Variants in RABGAP1 observed in about 807,000 individuals in gnomAD.
RABGAP1 encodes the protein RAB GTPase activating protein 1, also known as rab GTPase-activating protein 1.
In RABGAP1, 23 loss-of-function variants were observed where a neutral mutation model predicts 137.6. The observed-to-expected ratio is 0.17, with a 90% CI of 0.12 to 0.24. RABGAP1 has a LOEUF of 0.24. Among genes scored for constraint, RABGAP1 ranks in the 10% least tolerant of loss-of-function variants. The pLI, the probability that RABGAP1 is intolerant of heterozygous loss-of-function variation, is 1.00. For synonymous variants in RABGAP1, 451 were observed against 450.7 expected, an observed-to-expected ratio of 1.00 and a Z score of -0.01; for missense variants, 906 against 1,275.8, an observed-to-expected ratio of 0.71 and a Z score of 4.42.
chr9:123,010,570 G>T (rs747535015), intron 11 of RABGAP1, 42 bp downstream of exon 11: 2 of 1,549,474 alleles, frequency 1.3e-6, no homozygotes, highest in African/African-American at 2.7e-5. Flanking sequence ...GGGGGTGGAA[G>T]ACCATGCAAA....
In RABGAP1 at chr9:123,070,243, G is replaced by T; in HGVS notation, c.1909-107G>T. On this transcript the variant is annotated intron_variant, in intron 14 of 25. Transcript: ENST00000373647. The surrounding 1 kb of genome is among the most constrained non-coding windows in gnomAD (Gnocchi z 4.4). ...TACTGTCTGTCAAAATGCTGTCCCA[G>T]TGTGGGTAGCATCCTCCAGGGTTCT... 1.3e-6 allele frequency: 2 copies of T among 1,535,946 alleles called. No homozygotes were observed. Among genetic ancestry groups the T allele is most frequent in the Non-Finnish European group, 1.7e-6 (2 of 1,143,816 alleles).
chr9:122,940,092 A>T (rs1281522935), upstream of RABGAP1: 2 of 152,260 alleles, frequency 1.3e-5, no homozygotes, highest in African/African-American at 4.8e-5. Flanking sequence ...GCTTGAGCCC[A>T]GGAGTTCGAG....
rs1166002881 is a variant in RABGAP1, at chr9:123,086,490, G to T, written c.2425-3268G>T. Among the ~76,000 whole-genome samples, 6 of 152,228 alleles carry T rather than the reference G, an allele frequency of 3.9e-5. No individual in the cohort carries two copies. The East Asian group carries it at 1.2e-3, about 29-fold the overall frequency. ...ATGGCCTCAAAAGGAGGCTTAAAATGCCCCTGCTGCTGCTGGCACCTTCTG... is the reference window on the plus strand; with the variant it reads ...ATGGCCTCAAAAGGAGGCTTAAAATTCCCCTGCTGCTGCTGGCACCTTCTG... On this transcript the variant is annotated intron_variant, in intron 19 of 25. Coordinates refer to ENST00000373647, the MANE Select transcript of RABGAP1 (RefSeq NM_012197.4).
the RABGAP1 span, among the ~76,000 whole-genome samples, chr9:122,934,741 G>GCGCAGTCGTGGCTCAC: frequency 6.6e-6 from 1 of 152,144 alleles, no homozygotes. Flanking sequence ...GAGTGCAGTG[G>GCGCAGTCGTGGCTCAC]CGCAGTCTTG....
At chr9:122,953,288 A>G (rs909078945) in intron 1 of RABGAP1, among the ~76,000 whole-genome samples, 1 of 152,154 alleles carries the variant, frequency 6.6e-6, no homozygotes, top group Admixed American at 6.5e-5. Context: ...TAAATGTTTT[A>G]TGTATAGTCC....
At chr9:123,056,942 C>G (rs1340429087) in intron 13 of RABGAP1, among the ~76,000 whole-genome samples, 1 of 152,230 alleles carries the variant, frequency 6.6e-6, no homozygotes, top group Non-Finnish European at 1.5e-5. Flanking sequence ...CTTTTCTATT[C>G]CACAAAACCG....
chr9:122,988,381 T>C (rs1461611415), intron 4 of RABGAP1, among the ~76,000 whole-genome samples: 3 of 152,208 alleles, frequency 2.0e-5, no homozygotes, highest in East Asian at 1.9e-4. Context: ...CTTACTGCCC[T>C]GATCAGAGTC....
intron 13 of RABGAP1, among the ~76,000 whole-genome samples, chr9:123,058,799 G>A (rs2033852141): frequency 6.6e-6 from 1 of 152,214 alleles, no homozygotes; most frequent in Non-Finnish European, 1.5e-5. Context: ...AGAGTGACAA[G>A]TGGAAAACAA....
intron 21 of RABGAP1, among the ~76,000 whole-genome samples, chr9:123,090,924 C>T (rs530210848): frequency 2.4e-3 from 361 of 152,252 alleles, no homozygotes; most frequent in African/African-American, 7.6e-3. Flanking sequence ...ATTTTCTGTA[C>T]TACAGACTAA....
chr9:123,093,545 G>A (rs1453475267), intron 21 of RABGAP1, among the ~76,000 whole-genome samples: 1 of 152,194 alleles, frequency 6.6e-6, no homozygotes, highest in Non-Finnish European at 1.5e-5. Flanking sequence ...CTCCTTATTA[G>A]TTCTGTGACA....
chr9:123,071,420 G>A (rs2034352661), intron 15 of RABGAP1: 1 of 152,178 alleles, frequency 6.6e-6, no homozygotes, highest in Non-Finnish European at 1.5e-5. Context: ...AGTTTAAAAT[G>A]CTTGGCAAGA....
Position 122,989,330 on chromosome 9 carries a change from A to G in RABGAP1, c.624A>G (p.Ala208=). The part of the protein sequence containing the change: ...LLDPQTNTEI[A]NYPIYKILFC... ...ATCCTCAGACAAACACTGAAATAGC[A>G]AACTACCCTATCTACAAAATCCTCT... The change falls in exon 5 of 26, where the codon GCA becomes GCG. Residue 208 remains alanine, a synonymous_variant. Transcript: ENST00000373647. The G allele has an allele frequency of 1.9e-6, 3 of 1,613,852 alleles. No individual in the cohort carries two copies. Among genetic ancestry groups the G allele is most frequent in the Non-Finnish European group, 2.5e-6 (3 of 1,179,814 alleles).
chr9:123,057,725 G>A (rs1270530995), intron 13 of RABGAP1, among the ~76,000 whole-genome samples: 2 of 152,146 alleles, frequency 1.3e-5, no homozygotes, highest in East Asian at 1.9e-4. Context: ...AGGTTGTAGC[G>A]AGCCGAGATC....
chr9:122,977,812 G>C (rs1835841921), intron 2 of RABGAP1, among the ~76,000 whole-genome samples: 1 of 152,136 alleles, frequency 6.6e-6, no homozygotes, highest in South Asian at 2.1e-4. Context: ...AGTTGAGGAA[G>C]GGATTGTAGA....
chr9:123,052,270 T>G (rs2033516320), intron 13 of RABGAP1, among the ~76,000 whole-genome samples: 1 of 152,216 alleles, frequency 6.6e-6, no homozygotes, highest in Admixed American at 6.5e-5. Context: ...AGCCAAGTGA[T>G]TTAACATTTT....
intron 10 of RABGAP1, among the ~76,000 whole-genome samples, chr9:123,000,236 G>A (rs1028427595): frequency 1.3e-5 from 2 of 152,032 alleles, no homozygotes; most frequent in African/African-American, 4.8e-5. Flanking sequence ...TTCTTCTGAA[G>A]AGTCTTGATT....
intron 21 of RABGAP1, among the ~76,000 whole-genome samples, chr9:123,095,395 T>C (rs2035152330): frequency 6.6e-6 from 1 of 152,178 alleles, no homozygotes; most frequent in Non-Finnish European, 1.5e-5. Context: ...TTTTCTAAAA[T>C]AAGCATTTAA....
intron 13 of RABGAP1, chr9:123,029,417 G>C: frequency 6.5e-7 from 1 of 1,531,694 alleles, no homozygotes; most frequent in Middle Eastern, 2.2e-4. Flanking sequence ...TCTGCCCTTG[G>C]TATTTCTGGT....
intron 13 of RABGAP1, among the ~76,000 whole-genome samples, chr9:123,037,079 T>A (rs780633827): frequency 3.9e-5 from 6 of 152,146 alleles, no homozygotes; most frequent in Non-Finnish European, 5.9e-5. Context: ...ATCTCTGCCT[T>A]TGGCTAGAGG....
Sources: allele counts gnomAD v4.1 joint callset (sites outside exome capture counted in the v4.1 genomes callset), GRCh38; gene constraint gnomAD v4.1.1; non-coding constraint Gnocchi (gnomAD v3.1); transcripts MANE v1.5; gene names NCBI Gene and HGNC (gene_info 2026-07-23, HGNC 2026-07-21).